The following DIO2 variants were observed in gnomAD, a reference collection of about 807,000 sequenced individuals.
DIO2 encodes type II iodothyronine deiodinase.
In DIO2, 19 loss-of-function variants were observed where a neutral mutation model predicts 21.4. That is an observed-to-expected ratio of 0.89 (90% CI 0.62 to 1.30). The LOEUF (loss-of-function observed/expected upper bound fraction) is 1.30, where lower values mean the gene tolerates loss of function less well. DIO2 is among the 50% of genes most tolerant of loss of function. DIO2 has a pLI of 0.00. For missense variants in DIO2, 302 were observed against 338.1 expected, an observed-to-expected ratio of 0.89 and a Z score of 0.84; for synonymous variants, 122 against 132.9, an observed-to-expected ratio of 0.92 and a Z score of 0.57.
rs890060385 is a variant in DIO2, at chr14:80,202,617, A to G, written c.*72T>C. ...TAAGCCAATAGGGCTCTGTTGAAAT[A>G]TGGATTCAGTTCTTAATTTCCTTGC... On this transcript the variant is annotated 3_prime_UTR_variant, in exon 2 of 2. Transcript: ENST00000438257. 1 of 1,442,888 alleles carries G rather than the reference A, an allele frequency of 6.9e-7. No homozygotes were observed. Among genetic ancestry groups the G allele is most frequent in the Non-Finnish European group, 9.2e-7 (1 of 1,083,146 alleles). The allele number at this position is 1,442,888 out of a possible 1,614,324, so 89.4% of individuals were successfully genotyped here.
At chr14:80,224,427 AT>A in intron 2 of DIO2, among the ~76,000 whole-genome samples, 1 of 151,906 alleles carries the variant, frequency 6.6e-6, no homozygotes, top group Admixed American at 6.6e-5. Flanking sequence ...TAGGAAAGTT[AT>A]CCTAGATTAT....
intron 2 of DIO2, among the ~76,000 whole-genome samples, chr14:80,228,003 AT>A (rs1365408471): frequency 6.6e-6 from 1 of 152,152 alleles, no homozygotes; most frequent in East Asian, 1.9e-4. Flanking sequence ...AGGTCCCTGA[AT>A]TTTAGTCGGA....
At chr14:80,228,229 A>T (rs1888614324) in intron 2 of DIO2, among the ~76,000 whole-genome samples, 1 of 152,220 alleles carries the variant, frequency 6.6e-6, no homozygotes, top group Admixed American at 6.5e-5. Flanking sequence ...GTAAATGTAT[A>T]TTGCTGGTCT....
At chr14:80,210,568 T>C (rs1888138365) in intron 1 of DIO2, among the ~76,000 whole-genome samples, 1 of 152,192 alleles carries the variant, frequency 6.6e-6, no homozygotes, top group Non-Finnish European at 1.5e-5. Context: ...ATGCTGGATT[T>C]CTGACAGCTA....
At chr14:80,226,036 T>G (rs1158459212) in intron 2 of DIO2, among the ~76,000 whole-genome samples, 1 of 152,148 alleles carries the variant, frequency 6.6e-6, no homozygotes, top group Non-Finnish European at 1.5e-5. Context: ...AGCAAAAATT[T>G]CGCTAGTGGA....
At chr14:80,217,387 C>T (rs1888381957) in intron 2 of DIO2, among the ~76,000 whole-genome samples, 1 of 152,172 alleles carries the variant, frequency 6.6e-6, no homozygotes, top group Non-Finnish European at 1.5e-5. Flanking sequence ...AACAACACAA[C>T]AGAGCCACTG....
At position 80,198,107 on chromosome 14, in the gene DIO2, T is replaced by G. The variant is rs902811728; in HGVS notation, c.*4582A>C. On this transcript the variant is annotated 3_prime_UTR_variant, in exon 2 of 2. Coordinates refer to ENST00000438257, the MANE Select transcript of DIO2 (RefSeq NM_013989.5). Reference sequence around the variant, plus strand: ...TTTATTTCCCATCCCCTTCTGTGGGTTTCTTTCATTTATGTGTTTACCTGT... The same window carrying G: ...TTTATTTCCCATCCCCTTCTGTGGGGTTCTTTCATTTATGTGTTTACCTGT... The G allele has an allele frequency of 6.6e-6, 1 of 152,568 alleles. No individual in the cohort carries two copies. Among genetic ancestry groups the G allele is most frequent in the Non-Finnish European group, 1.5e-5 (1 of 68,040 alleles). 9.5% of individuals were successfully genotyped at this position (152,568 alleles called of 1,614,324 possible).
rs17176545 is a variant in DIO2, at chr14:80,217,778, A to G, written c.-277-1041T>C. Among the ~76,000 whole-genome samples the G allele has an allele frequency of 6.5e-3, 997 of 152,342 alleles. 8 individuals are homozygous for G. Among genetic ancestry groups the G allele is most frequent in the Non-Finnish European group, 1.0e-2 (677 of 68,020 alleles). ...GACATTTTATGATTTTTGTATCAGT[A>G]ATAAGCTAAATGATACACAAATCTA... On this transcript the variant is annotated intron_variant, in intron 2 of 4. Transcript: ENST00000553594.
Position 80,206,536 on chromosome 14 carries a change from G to A in DIO2, c.223-3248C>T, listed in dbSNP as rs1387969233. Among the ~76,000 whole-genome samples, 5 of 152,130 alleles carry A rather than the reference G, an allele frequency of 3.3e-5. No homozygotes were observed. The East Asian group carries it at 9.6e-4, about 29-fold the overall frequency. On this transcript the variant is annotated intron_variant, in intron 1 of 1. Coordinates refer to ENST00000438257, the MANE Select transcript of DIO2 (RefSeq NM_013989.5). ...TGCACCCTGCTGAGACAGGCTGGGA[G>A]AATCACCATTGTCTTCGATGATGGA...
At position 80,210,671 on chromosome 14, in the gene DIO2, AGAG is replaced by A. The variant is rs147913011; in HGVS notation, c.222+577_222+579del. On this transcript the variant is annotated intron_variant, in intron 1 of 1. Transcript: ENST00000438257. ...AAAGGGTTCAAATTTGAATCAATGT[AGAG>A]GAGGTGGCACACAGCTGCTTGCTTT... 7.0e-3 allele frequency among the ~76,000 whole-genome samples: 1,070 copies of A among 152,322 alleles called. 5 individuals carry two copies. The highest frequency in any genetic ancestry group is 0.013 in the Non-Finnish European group (872 of 68,040).
At chr14:80,214,795 T>A (rs1450895450), upstream of DIO2, among the ~76,000 whole-genome samples, 1 of 152,190 alleles carries the variant, frequency 6.6e-6, no homozygotes, top group Non-Finnish European at 1.5e-5. Flanking sequence ...AATCCTAAGG[T>A]GACAGAGTAT....
At chr14:80,216,851 C>T (rs1054886781) in intron 2 of DIO2, 2 of 152,108 alleles carry the variant, frequency 1.3e-5, no homozygotes, top group Admixed American at 6.5e-5. Context: ...TAGGAAACCA[C>T]CGGATGATAT....
At chr14:80,210,145 A>G (rs1004719738) in intron 1 of DIO2, among the ~76,000 whole-genome samples, 4 of 152,274 alleles carry the variant, frequency 2.6e-5, no homozygotes, top group African/African-American at 7.2e-5. Context: ...AGGGAAACCA[A>G]GATTGTCTAT....
chr14:80,202,817 T>G lies in DIO2; in HGVS notation c.694A>C (p.Ile232Leu). The G allele has an allele frequency of 6.2e-7, 1 of 1,613,954 alleles. No individual in the cohort carries two copies. The highest frequency in any genetic ancestry group is 8.5e-7 in the Non-Finnish European group (1 of 1,179,890). The change falls in exon 2 of 2, where the codon ATT becomes CTT. Residue 232 changes from isoleucine (I) to leucine (L), a missense_variant. Coordinates refer to ENST00000438257, the MANE Select transcript of DIO2 (RefSeq NM_013989.5). ...AYGVAFERVC[I>L]VQRQKIAYLG... is the part of the protein sequence containing the mutation. ...TAAGCAATTTTCTGTCTCTGCACAATGCACACACGTTCAAAGGCTACCCCG... is the reference window on the plus strand; with the variant it reads ...TAAGCAATTTTCTGTCTCTGCACAAGGCACACACGTTCAAAGGCTACCCCG...
chr14:80,220,880 G>T (rs1414777398), intron 2 of DIO2, among the ~76,000 whole-genome samples: 2 of 152,122 alleles, frequency 1.3e-5, no homozygotes, highest in African/African-American at 4.8e-5. Context: ...GAAAGAGGTA[G>T]ACATCAAGAT....
chr14:80,217,371 TACATAAACA>T (rs1320827705), intron 2 of DIO2, among the ~76,000 whole-genome samples: 1 of 152,178 alleles, frequency 6.6e-6, no homozygotes, highest in Non-Finnish European at 1.5e-5. Context: ...TACATAACAT[TACATAAACA>T]ACACAACAGA....
chr14:80,218,406 C>T (rs1888398407), intron 2 of DIO2, among the ~76,000 whole-genome samples: 1 of 152,082 alleles, frequency 6.6e-6, no homozygotes, highest in East Asian at 1.9e-4. Context: ...TAATAATTAT[C>T]AACCTGAATC....
intron 2 of DIO2, among the ~76,000 whole-genome samples, chr14:80,217,910 C>T (rs554779972): frequency 6.6e-6 from 1 of 152,318 alleles, no homozygotes; most frequent in Admixed American, 6.5e-5. Flanking sequence ...AGAGATGTCA[C>T]GTTCTGGTGG....
intron 1 of DIO2, chr14:80,206,130 A>C (rs947718876): frequency 7.6e-6 from 6 of 791,646 alleles, no homozygotes; most frequent in South Asian, 3.5e-5. Context: ...TTATAATGTC[A>C]TAAATGGATA....
Sources: allele counts gnomAD v4.1 joint callset (sites outside exome capture counted in the v4.1 genomes callset), GRCh38; gene constraint gnomAD v4.1.1; transcripts MANE v1.5; gene names NCBI Gene and HGNC (gene_info 2026-07-23, HGNC 2026-07-21).